The following CEP95 variants were observed in gnomAD, a reference collection of about 807,000 sequenced individuals.
The protein encoded by CEP95 is centrosomal protein of 95 kDa.
In CEP95, 98 loss-of-function variants were observed where a neutral mutation model predicts 111.2. That is an observed-to-expected ratio of 0.88 (90% CI 0.75 to 1.04). The LOEUF is 1.04. Ranked by LOEUF, CEP95 falls within the 50% of genes least tolerant of loss-of-function variation. CEP95 has a pLI of 0.00. For synonymous variants in CEP95, 323 were observed against 327.1 expected (o/e 0.99, Z 0.14); for missense variants, 1,027 against 977.2 (o/e 1.05, Z -0.68).
intron 17 of CEP95, 40 bp from the exon 18 acceptor site, chr17:64,536,562 T>C: frequency 5.2e-6 from 8 of 1,527,462 alleles, no homozygotes; most frequent in Non-Finnish European, 7.1e-6. Context: ...GCCAAAATGA[T>C]ATTCCTCAAT....
At chr17:64,537,295 A>G (rs1555681806) in intron 19 of CEP95, 183 bp downstream of exon 19, 2 of 1,405,800 alleles carry the variant, frequency 1.4e-6, no homozygotes, top group African/African-American at 2.9e-5. Flanking sequence ...TCATTTAATG[A>G]TGCATTTCTT....
Position 64,507,108 on chromosome 17 carries a change from C to T in CEP95, c.11C>T (p.Ser4Leu), listed in dbSNP as rs1184816135. The change falls in exon 1 of 20, where the codon TCG (serine) becomes TTG (leucine). Residue 4 changes from serine (S) to leucine (L), a missense_variant. Physicochemically the swap from Ser to Leu is moderately radical, Grantham distance 145 (BLOSUM62 -2). Coordinates refer to ENST00000556440, the MANE Select transcript of CEP95 (RefSeq NM_138363.3). Reference protein sequence around the residue: MAGSDAEWVTIANN... With the variant: MAGLDAEWVTIANN... Reference sequence around the variant, plus strand: ...ACCTGCCTCTGAAACATGGCAGGCTCGGATGCTGGTGAGTGTCTCCCTGGG... The same window carrying T: ...ACCTGCCTCTGAAACATGGCAGGCTTGGATGCTGGTGAGTGTCTCCCTGGG... 11 of 1,551,328 alleles carry T rather than the reference C, an allele frequency of 7.1e-6. No homozygotes were observed. Among genetic ancestry groups the T allele is most frequent in the African/African-American group, 6.8e-5 (5 of 73,048 alleles).
At chr17:64,530,506 ATTTTT>A (rs55675645) in intron 12 of CEP95, among the ~76,000 whole-genome samples, 1 of 118,536 alleles carries the variant, frequency 8.4e-6, no homozygotes, top group Admixed American at 8.7e-5. Flanking sequence ...CCTCTTTTGT[ATTTTT>A]TTTTTTTTTT....
chr17:64,523,282 ATTTAT>A (rs1967514277), intron 8 of CEP95, among the ~76,000 whole-genome samples: 2 of 152,128 alleles, frequency 1.3e-5, no homozygotes, highest in Non-Finnish European at 2.9e-5. Context: ...TAGCTACTAT[ATTTAT>A]TTATTGTTGG....
Position 64,516,036 on chromosome 17 carries a change from A to G in CEP95, c.368-687A>G, listed in dbSNP as rs536050296. ...AGTAGATGTGTGTAAACAGTTGGGC[A>G]CACAGCCTAGCTCAGAGTAAATGCA... On this transcript the variant is annotated intron_variant, in intron 4 of 19. Coordinates refer to ENST00000556440, the MANE Select transcript of CEP95 (RefSeq NM_138363.3). 2.6e-5 allele frequency: 4 copies of G among 152,326 alleles called. No homozygotes were observed. In the East Asian group the frequency reaches 7.7e-4, roughly 29 times the overall value. The allele number at this position is 152,326 out of a possible 1,614,324, so 9.4% of individuals were successfully genotyped here. A position where few individuals can be genotyped will look rare whatever the true frequency, so the allele number is the denominator to read the frequency against.
At position 64,525,751 on chromosome 17, in the gene CEP95, T is replaced by C; in HGVS notation, c.910-19T>C. The C allele has an allele frequency of 6.5e-7, 1 of 1,530,022 alleles. No homozygotes were observed. Among genetic ancestry groups the C allele is most frequent in the Non-Finnish European group, 8.9e-7 (1 of 1,120,466 alleles). 94.8% of individuals were successfully genotyped at this position (1,530,022 alleles called of 1,614,324 possible). On this transcript the variant is annotated intron_variant, in intron 8 of 19. Coordinates refer to ENST00000556440, the MANE Select transcript of CEP95 (RefSeq NM_138363.3). ...TATTTGTAGCTTTTTCAAATCAACT[T>C]TTTTTCTGTTTTTAATAGGATCTAG...
Position 64,532,843 on chromosome 17 carries a change from A to C in CEP95, c.1677A>C (p.Lys559Asn), listed in dbSNP as rs200401716. The change falls in exon 15 of 20, where the codon AAA (lysine) becomes AAC (asparagine). Residue 559 changes from lysine to asparagine, a missense_variant. Coordinates refer to ENST00000556440, the MANE Select transcript of CEP95 (RefSeq NM_138363.3). Reference protein sequence around the residue: ...LPKPNKAVPMKVSEHSLLPLM... With the variant: ...LPKPNKAVPMNVSEHSLLPLM... The stretch of plus-strand genomic sequence containing the variant: ...ACATCTTATTTTACCTTGCAGTGAA[A>C]GTAAGTGAACACAGTCTCCTGCCCC... 151 of 1,606,174 alleles carry C rather than the reference A, an allele frequency of 9.4e-5. No homozygotes were observed. The African/African-American group carries it at 1.8e-3, about 19-fold the overall frequency.
intron 2 of CEP95, 71 bp from the exon 3 acceptor site, chr17:64,510,102 T>C (rs1568121200): frequency 5.1e-6 from 4 of 791,774 alleles, no homozygotes; most frequent in Non-Finnish European, 8.8e-6. Context: ...TTCAGTAGCC[T>C]AGTCAGAGAC....
chr17:64,524,369 T>A (rs911124828), intron 8 of CEP95, among the ~76,000 whole-genome samples: 1 of 152,140 alleles, frequency 6.6e-6, no homozygotes, highest in Non-Finnish European at 1.5e-5. Context: ...AGTGTAGTGG[T>A]GCAGTCTGCA....
intron 3 of CEP95, among the ~76,000 whole-genome samples, chr17:64,513,945 G>A (rs2039013818): frequency 6.6e-6 from 1 of 152,066 alleles, no homozygotes; most frequent in Admixed American, 6.5e-5. Context: ...GTTTTCTTAA[G>A]TCCAATTATT....
chr17:64,510,020 A>T (rs186483381), intron 2 of CEP95, among the ~76,000 whole-genome samples, 153 bp from the exon 3 acceptor site: 5 of 152,246 alleles, frequency 3.3e-5, no homozygotes, highest in East Asian at 3.9e-4. Flanking sequence ...TGTAGAGTTC[A>T]GGGTTTATTA....
At chr17:64,521,849 G>A (rs1177287621) in intron 7 of CEP95, among the ~76,000 whole-genome samples, 1 of 151,770 alleles carries the variant, frequency 6.6e-6, no homozygotes. Flanking sequence ...ATAGTAACTG[G>A]AAAAACATTC....
In CEP95 at chr17:64,507,563, AGTT is replaced by A. The variant is rs1178573493; in HGVS notation, c.19+450_19+452del. ...ATAGTAGAATATGCCCCTGTAGAATAGTTGTGCTTTTTTCTCTTCAGTGCCCTC... is the reference window on the plus strand; with the variant it reads ...ATAGTAGAATATGCCCCTGTAGAATAGTGCTTTTTTCTCTTCAGTGCCCTC... On this transcript the variant is annotated intron_variant, in intron 1 of 19. Coordinates refer to ENST00000556440, the MANE Select transcript of CEP95 (RefSeq NM_138363.3). 6 of 1,035,698 alleles carry A rather than the reference AGTT, an allele frequency of 5.8e-6. No individual in the cohort carries two copies. The South Asian group carries it at 2.0e-4, about 34-fold the overall frequency. 64.2% of individuals were successfully genotyped at this position (1,035,698 alleles called of 1,614,324 possible). A position where few individuals can be genotyped will look rare whatever the true frequency, so the allele number is the denominator to read the frequency against.
intron 10 of CEP95, 119 bp from the exon 11 acceptor site, chr17:64,526,992 C>T (rs1568145775): frequency 5.8e-6 from 4 of 692,352 alleles, no homozygotes; most frequent in Admixed American, 5.3e-5. Flanking sequence ...CATGCATAAG[C>T]GTCTGAAAAC....
At chr17:64,532,524 T>A (rs1231422290) in intron 14 of CEP95, 2 of 985,294 alleles carry the variant, frequency 2.0e-6, no homozygotes, top group Non-Finnish European at 2.4e-6. Flanking sequence ...AGCACTTGCC[T>A]ACCGGGAAGG....
At chr17:64,513,079 C>G (rs1192588009) in intron 3 of CEP95, among the ~76,000 whole-genome samples, 1 of 152,132 alleles carries the variant, frequency 6.6e-6, no homozygotes, top group African/African-American at 2.4e-5. Context: ...TGAGGATGCT[C>G]TTGGGATATA....
At position 64,531,958 on chromosome 17, in the gene CEP95, C is replaced by T. The variant is rs1968311772; in HGVS notation, c.1608C>T (p.Tyr536=). ...AATGTAGTCAGCCCTGGAAGATTTA[C>T]TCTAGAAAAACCACAACGCAGAGTC... ...TPECSQPWKI[Y]SRKTTTQSLR... The change falls in exon 14 of 20, where the codon TAC becomes TAT. Residue 536 remains tyrosine (Y), a synonymous_variant. Transcript: ENST00000556440. 13 of 1,611,218 alleles carry T rather than the reference C, an allele frequency of 8.1e-6. No individual in the cohort carries two copies. The East Asian group carries it at 2.7e-4, about 33-fold the overall frequency.
intron 5 of CEP95, 145 bp downstream of exon 5, chr17:64,516,973 G>A (rs1966906322): frequency 1.8e-6 from 1 of 556,154 alleles, no homozygotes; most frequent in Admixed American, 3.3e-5. Context: ...ACTTTCCTGA[G>A]GGAGTTTTAA....
rs2038821355 is a variant in CEP95, at chr17:64,510,215, A to G, written c.191A>G (p.Asn64Ser). ...IPRSQEDDAH[N>S]VQAVIDSLAL... ...AGGAGTCAAGAAGATGATGCACACA[A>G]TGTACAAGCAGTAATTGATTCACTG... is the stretch of plus-strand genomic sequence containing the variant. Residue 64 changes from asparagine to serine, a missense_variant, in exon 3 of 20, where the codon AAT (asparagine) becomes AGT (serine). Physicochemically the swap from Asn to Ser is conservative, Grantham distance 46. Transcript: ENST00000556440. The G allele has an allele frequency of 1.2e-6, 2 of 1,611,982 alleles. No individual in the cohort carries two copies. Among genetic ancestry groups the G allele is most frequent in the Non-Finnish European group, 1.7e-6 (2 of 1,178,822 alleles).
Sources: gnomAD v4.1 joint callset for allele counts (sites outside exome capture counted in the v4.1 genomes callset) on GRCh38, gnomAD v4.1.1 for gene constraint, MANE v1.5 for transcripts, NCBI Gene and HGNC (gene_info 2026-07-23, HGNC 2026-07-21) for gene names.